Variants in CCDC110 observed in about 807,000 individuals in gnomAD.
CCDC110 encodes the protein coiled-coil domain-containing protein 110.
CCDC110 carries 70 observed loss-of-function variants against 77.1 expected under a neutral mutation model. That is an observed-to-expected ratio of 0.91 (90% confidence interval 0.75 to 1.11). The LOEUF (loss-of-function observed/expected upper bound fraction) is 1.11, where lower values mean the gene tolerates loss of function less well. Among genes scored for constraint, CCDC110 ranks in the 50% least tolerant of loss-of-function variants. The pLI is 0.00. For missense variants in CCDC110, 868 were observed against 942.9 expected, an observed-to-expected ratio of 0.92 and a Z score of 1.04; for synonymous variants, 295 against 312.5, an observed-to-expected ratio of 0.94 and a Z score of 0.59.
At chr4:185,447,807 A>G (rs1391917698) in intron 6 of CCDC110, among the ~76,000 whole-genome samples, 1 of 152,230 alleles carries the variant, frequency 6.6e-6, no homozygotes, top group Non-Finnish European at 1.5e-5. Context: ...CTTTGACAGA[A>G]GCTCTAAATT....
intron 2 of CCDC110, chr4:185,470,483 C>T: frequency 2.9e-6 from 1 of 340,370 alleles, no homozygotes; most frequent in Non-Finnish European, 5.9e-6. Context: ...TATTTTCCAT[C>T]TGTGGTTGGT....
Position 185,466,498 on chromosome 4 carries a change from T to C in CCDC110, c.116-3449A>G, listed in dbSNP as rs532946540. Among the ~76,000 whole-genome samples, 3 of 152,318 alleles carry C rather than the reference T, an allele frequency of 2.0e-5. No individual in the cohort carries two copies. The South Asian group carries it at 6.2e-4, about 32-fold the overall frequency. Reference sequence around the variant, plus strand: ...TGTGGAGATTGGTGGGCATGGAGGATAGGTCACTGTTTCTAGTTTCACTGT... The same window carrying C: ...TGTGGAGATTGGTGGGCATGGAGGACAGGTCACTGTTTCTAGTTTCACTGT... On this transcript the variant is annotated intron_variant, in intron 2 of 6. Coordinates refer to ENST00000307588, the MANE Select transcript of CCDC110 (RefSeq NM_152775.4).
chr4:185,452,282 A>G (rs2095630289), intron 6 of CCDC110: 1 of 985,416 alleles, frequency 1.0e-6, no homozygotes. Flanking sequence ...TTCTGCATCC[A>G]TCGTCAATGA....
chr4:185,466,285 G>A (rs1037802079), intron 2 of CCDC110, among the ~76,000 whole-genome samples: 6 of 152,122 alleles, frequency 3.9e-5, no homozygotes, highest in Admixed American at 3.9e-4. Flanking sequence ...TGAGGCAGGA[G>A]AATCGTTTGA....
chr4:185,460,169 GAAGT>G lies in CCDC110; in HGVS notation c.414_417del (p.Leu139IlefsTer7). 6.2e-7 allele frequency: 1 copy of G among 1,612,242 alleles called. No individual in the cohort carries two copies. The highest frequency in any genetic ancestry group is 8.5e-7 in the Non-Finnish European group (1 of 1,179,798). Reference sequence around the variant, plus strand: ...CCACTTAATTTTTCTTCCACTGAATGAAGTGTCTTGGAATCCTCAAAATGATGAC... The same window carrying G: ...CCACTTAATTTTTCTTCCACTGAATGGTCTTGGAATCCTCAAAATGATGAC... On this transcript the variant is annotated frameshift_variant, in exon 6 of 7. Transcript: ENST00000307588. LOFTEE classifies it high-confidence loss of function.
intron 6 of CCDC110, 33 bp downstream of exon 6, chr4:185,458,093 C>T (rs2095638743): frequency 2.1e-6 from 3 of 1,400,592 alleles, no homozygotes; most frequent in Admixed American, 2.6e-5. Flanking sequence ...GAATCTTAAA[C>T]ACATCTCTAC....
At chr4:185,457,282 A>G (rs1414593745) in intron 6 of CCDC110, 1 of 456,284 alleles carries the variant, frequency 2.2e-6, no homozygotes, top group Non-Finnish European at 4.4e-6. Flanking sequence ...TGGAAGCTAG[A>G]GATTGTGTTT....
At chr4:185,465,948 G>T (rs1372084182) in intron 2 of CCDC110, among the ~76,000 whole-genome samples, 1 of 152,108 alleles carries the variant, frequency 6.6e-6, no homozygotes, top group Non-Finnish European at 1.5e-5. Context: ...AGTAGAGTAG[G>T]AACATACTTT....
Position 185,462,841 on chromosome 4 carries a change from C to T in CCDC110, c.172-133G>A. ...CCGTGAGGGTCAGGTGGTTCACATT[C>T]TTAGGCATTTTGCTAACTCCCCAAT... On this transcript the variant is annotated intron_variant, in intron 3 of 6. Coordinates refer to ENST00000307588, the MANE Select transcript of CCDC110 (RefSeq NM_152775.4). 3.9e-6 allele frequency: 4 copies of T among 1,027,918 alleles called. 1 individual carries two copies. The South Asian group carries it at 5.4e-5, about 14-fold the overall frequency. The allele number at this position is 1,027,918 out of a possible 1,614,324, so 63.7% of individuals were successfully genotyped here. A position where few individuals can be genotyped will look rare whatever the true frequency, so the allele number is the denominator to read the frequency against.
At chr4:185,470,715 A>G in intron 2 of CCDC110, 1 of 619,570 alleles carries the variant, frequency 1.6e-6, no homozygotes, top group Non-Finnish European at 3.0e-6. Context: ...CCGTTTCCTT[A>G]TCTGCAAAAT....
At position 185,471,037 on chromosome 4, in the gene CCDC110, C is replaced by T. The variant is rs2095665282; in HGVS notation, c.23G>A (p.Arg8Gln). The change falls in exon 2 of 7, where the codon CGG (arginine) becomes CAG (glutamine). Residue 8 changes from arginine to glutamine, a missense_variant. Physicochemically the swap from Arg to Gln is conservative, Grantham distance 43. Coordinates refer to ENST00000307588, the MANE Select transcript of CCDC110 (RefSeq NM_152775.4). MSPEKQH[R>Q]EEDEVDSVLL... ...AACGGAGTCAACTTCATCCTCTTCC[C>T]GGTGCTGCTTTTCTGTAACAGAACC... is the stretch of plus-strand genomic sequence containing the variant. 2.7e-6 allele frequency: 4 copies of T among 1,463,358 alleles called. No homozygotes were observed. Among genetic ancestry groups the T allele is most frequent in the Non-Finnish European group, 2.7e-6 (3 of 1,092,554 alleles). The allele number at this position is 1,463,358 out of a possible 1,614,324, so 90.6% of individuals were successfully genotyped here.
At chr4:185,469,852 T>C (rs2095662737) in intron 2 of CCDC110, among the ~76,000 whole-genome samples, 1 of 152,176 alleles carries the variant, frequency 6.6e-6, no homozygotes, top group African/African-American at 2.4e-5. Flanking sequence ...AGAAATCCTG[T>C]CCCAACCTCA....
chr4:185,464,085 T>A (rs2095651238), intron 2 of CCDC110, among the ~76,000 whole-genome samples: 1 of 152,230 alleles, frequency 6.6e-6, no homozygotes, highest in South Asian at 2.1e-4. Context: ...GCTTGCTTTG[T>A]AAACTTTTTA....
At chr4:185,465,453 CT>C (rs767742394) in intron 2 of CCDC110, among the ~76,000 whole-genome samples, 1 of 152,130 alleles carries the variant, frequency 6.6e-6, no homozygotes, top group Non-Finnish European at 1.5e-5. Flanking sequence ...TCTCTTCTTC[CT>C]TTTTTGGCCT....
At chr4:185,466,199 C>A (rs1488741124) in intron 2 of CCDC110, among the ~76,000 whole-genome samples, 5 of 151,986 alleles carry the variant, frequency 3.3e-5, no homozygotes, top group South Asian at 2.1e-4. Context: ...CATGGTGAAA[C>A]CCTGTCTCTA....
chr4:185,449,046 T>C (rs1471883793), intron 6 of CCDC110, among the ~76,000 whole-genome samples: 1 of 152,162 alleles, frequency 6.6e-6, no homozygotes, highest in East Asian at 1.9e-4. Flanking sequence ...CAGTAAACCT[T>C]TGGACACCAG....
At position 185,468,302 on chromosome 4, in the gene CCDC110, TGAGGTGTAC is replaced by T. The variant is rs1240747610; in HGVS notation, c.115+2634_115+2642del. On this transcript the variant is annotated intron_variant, in intron 2 of 6. Coordinates refer to ENST00000307588, the MANE Select transcript of CCDC110 (RefSeq NM_152775.4). This position sits in a 1 kb window ranked among gnomAD's most constrained non-coding sequence, Gnocchi z 4.5. Reference sequence around the variant, plus strand: ...TCCAGTTTGTAGATAAAGCCCTTACTGAGGTGTACGAGGTGTACGGCACATAGTGAATGC... The same window carrying T: ...TCCAGTTTGTAGATAAAGCCCTTACTGAGGTGTACGGCACATAGTGAATGC... Among the ~76,000 whole-genome samples the T allele has an allele frequency of 2.0e-5, 3 of 152,208 alleles. No individual in the cohort carries two copies. Among genetic ancestry groups the T allele is most frequent in the East Asian group, 3.9e-4 (2 of 5,194 alleles).
chr4:185,453,378 CTT>C (rs1448979991), intron 6 of CCDC110, among the ~76,000 whole-genome samples: 3 of 152,180 alleles, frequency 2.0e-5, no homozygotes, highest in African/African-American at 4.8e-5. Context: ...TTACATAACA[CTT>C]ATATAATGCG....
At chr4:185,455,546 A>C (rs185026457) in intron 6 of CCDC110, among the ~76,000 whole-genome samples, 15 of 152,352 alleles carry the variant, frequency 9.8e-5, no homozygotes, top group Admixed American at 2.6e-4. Context: ...TAAAGGTATC[A>C]GTTTACCAAC....
Sources: allele counts gnomAD v4.1 joint callset (sites outside exome capture counted in the v4.1 genomes callset), GRCh38; gene constraint gnomAD v4.1.1; non-coding constraint Gnocchi (gnomAD v3.1); transcripts MANE v1.5; gene names NCBI Gene and HGNC (gene_info 2026-07-23, HGNC 2026-07-21).